The following ADCY2 variants were observed in gnomAD, a reference collection of about 807,000 sequenced individuals.
ADCY2 encodes the protein adenylate cyclase 2.
In ADCY2, 31 loss-of-function variants were observed where a neutral mutation model predicts 125.2. The observed-to-expected ratio is 0.25, with a 90% CI of 0.19 to 0.33. The LOEUF (loss-of-function observed/expected upper bound fraction) is 0.33, where lower values mean the gene tolerates loss of function less well. ADCY2 is among the 10% of genes least tolerant of loss of function. The pLI, the probability that ADCY2 is intolerant of heterozygous loss-of-function variation, is 1.00. For missense variants in ADCY2, 904 were observed against 1,418.2 expected (o/e 0.64, Z 5.82); for synonymous variants, 512 against 548.4 (o/e 0.93, Z 0.93).
chr5:7,618,210 G>A (rs1300981128), intron 3 of ADCY2, among the ~76,000 whole-genome samples: 1 of 152,102 alleles, frequency 6.6e-6, no homozygotes, highest in Non-Finnish European at 1.5e-5. Context: ...GTGCAATCTT[G>A]TCTCTCCATT....
At position 7,490,257 on chromosome 5, in the gene ADCY2, T is replaced by C. The variant is rs73737400; in HGVS notation, c.409-30481T>C. On this transcript the variant is annotated intron_variant, in intron 2 of 24. Coordinates refer to ENST00000338316, the MANE Select transcript of ADCY2 (RefSeq NM_020546.3). ...AAGCGTTGTTCTTTTATTCCATTAATACCATGGTTTATATCTTTAAGAAGT... is the reference window on the plus strand; with the variant it reads ...AAGCGTTGTTCTTTTATTCCATTAACACCATGGTTTATATCTTTAAGAAGT... Among the ~76,000 whole-genome samples the C allele has an allele frequency of 4.9e-3, 744 of 152,366 alleles. 5 individuals carry two copies. Among genetic ancestry groups the C allele is most frequent in the African/African-American group, 0.017 (713 of 41,598 alleles).
Position 7,709,399 on chromosome 5 carries a change from C to G in ADCY2, c.1578+12C>G, listed in dbSNP as rs571862881. Reference sequence around the variant, plus strand: ...AGATCAGCACCACGGTATGCCCTCCCCTGCCTCCAATGCCTGAGCACTGGG... The same window carrying G: ...AGATCAGCACCACGGTATGCCCTCCGCTGCCTCCAATGCCTGAGCACTGGG... On this transcript the variant is annotated intron_variant, in intron 10 of 24. Transcript: ENST00000338316. The surrounding 1 kb of genome is among the most constrained non-coding windows in gnomAD (Gnocchi z 4.4). 4 of 1,560,022 alleles carry G rather than the reference C, an allele frequency of 2.6e-6. No individual in the cohort carries two copies. The highest frequency in any genetic ancestry group is 1.9e-5 in the Admixed American group (1 of 52,324).
intron 11 of ADCY2, among the ~76,000 whole-genome samples, chr5:7,716,633 G>A (rs970353717): frequency 6.6e-6 from 1 of 152,180 alleles, no homozygotes; most frequent in African/African-American, 2.4e-5. Context: ...ATAGGCTGTT[G>A]TTTCTTTTTC....
chr5:7,429,127 A>G (rs1259838634), intron 2 of ADCY2, among the ~76,000 whole-genome samples: 1 of 152,136 alleles, frequency 6.6e-6, no homozygotes, highest in African/African-American at 2.4e-5. Flanking sequence ...GCCAAAGAAA[A>G]AAGCTCCAGG....
chr5:7,448,809 G>C (rs1741372446), intron 2 of ADCY2, among the ~76,000 whole-genome samples: 1 of 152,098 alleles, frequency 6.6e-6, no homozygotes, highest in Admixed American at 6.6e-5. Context: ...ACATGATCTT[G>C]TTCCTTTCTG....
At chr5:7,447,541 C>T (rs1470021223) in intron 2 of ADCY2, among the ~76,000 whole-genome samples, 2 of 152,206 alleles carry the variant, frequency 1.3e-5, no homozygotes, top group South Asian at 4.1e-4. Flanking sequence ...CTCCCCCTAC[C>T]TCATGTGATT....
chr5:7,401,150 T>C (rs1739248911), intron 1 of ADCY2, among the ~76,000 whole-genome samples: 1 of 152,204 alleles, frequency 6.6e-6, no homozygotes, highest in South Asian at 2.1e-4. Flanking sequence ...CCTCAATTAG[T>C]ACATGCAAAG....
chr5:7,509,920 C>A (rs1221652311), intron 2 of ADCY2, among the ~76,000 whole-genome samples: 2 of 152,128 alleles, frequency 1.3e-5, no homozygotes, highest in Admixed American at 1.3e-4. Context: ...AGAAAGATGG[C>A]ATTCTACTTA....
At position 7,396,284 on chromosome 5, in the gene ADCY2, G is replaced by A; in HGVS notation, c.-13G>A. Reference sequence around the variant, plus strand: ...GCCGGGCGCGCACGGCGGGCGCCCTGTGAGCGGCCCCGATGTGGCAGGAGG... The same window carrying A: ...GCCGGGCGCGCACGGCGGGCGCCCTATGAGCGGCCCCGATGTGGCAGGAGG... On this transcript the variant is annotated 5_prime_UTR_variant, in exon 1 of 25. In the 5' UTR this introduces an upstream ATG that the reference lacks. Coordinates refer to ENST00000338316, the MANE Select transcript of ADCY2 (RefSeq NM_020546.3). The surrounding 1 kb of genome is among the most constrained non-coding windows in gnomAD (Gnocchi z 5.7). 2 of 1,202,896 alleles carry A rather than the reference G, an allele frequency of 1.7e-6. No homozygotes were observed. Among genetic ancestry groups the A allele is most frequent in the Non-Finnish European group, 2.1e-6 (2 of 966,084 alleles). 74.5% of individuals were successfully genotyped at this position (1,202,896 alleles called of 1,614,324 possible). A position where few individuals can be genotyped will look rare whatever the true frequency, so the allele number is the denominator to read the frequency against.
At chr5:7,634,910 T>C (rs189390567) in intron 4 of ADCY2, among the ~76,000 whole-genome samples, 3 of 152,236 alleles carry the variant, frequency 2.0e-5, no homozygotes, top group South Asian at 2.1e-4. Context: ...AAGAGGCCTA[T>C]TGGAGGGGCC....
intron 3 of ADCY2, among the ~76,000 whole-genome samples, chr5:7,613,681 C>T (rs1737653579): frequency 6.6e-6 from 1 of 152,202 alleles, no homozygotes; most frequent in Non-Finnish European, 1.5e-5. Flanking sequence ...CTTTCCAGCT[C>T]CCTTCCCCAG....
intron 2 of ADCY2, among the ~76,000 whole-genome samples, chr5:7,431,159 G>A (rs2126375604): frequency 6.6e-6 from 1 of 152,302 alleles, no homozygotes; most frequent in Non-Finnish European, 1.5e-5. Context: ...TAAAACTACA[G>A]TAATCAAGAT....
intron 2 of ADCY2, among the ~76,000 whole-genome samples, chr5:7,436,950 C>T (rs1561024861): frequency 6.6e-6 from 1 of 152,142 alleles, no homozygotes; most frequent in Non-Finnish European, 1.5e-5. Context: ...AAATCAGCTC[C>T]ACCTTCACAA....
intron 2 of ADCY2, among the ~76,000 whole-genome samples, chr5:7,499,481 A>G (rs570458845): frequency 3.9e-5 from 6 of 152,088 alleles, no homozygotes; most frequent in African/African-American, 1.4e-4. Flanking sequence ...CCACACTTTA[A>G]TAAAAGGTTC....
intron 17 of ADCY2, among the ~76,000 whole-genome samples, chr5:7,768,756 A>G (rs1334312032): frequency 6.6e-6 from 1 of 152,236 alleles, no homozygotes; most frequent in Non-Finnish European, 1.5e-5. Flanking sequence ...AGCACACAAT[A>G]GGGTCTCTCA....
intron 2 of ADCY2, among the ~76,000 whole-genome samples, chr5:7,429,171 C>T (rs1740499322): frequency 1.3e-5 from 2 of 152,148 alleles, no homozygotes; most frequent in South Asian, 2.1e-4. Context: ...GGTACTCGCA[C>T]AGGCCCTGAA....
chr5:7,481,902 G>A (rs1742746148), intron 2 of ADCY2, among the ~76,000 whole-genome samples: 1 of 151,994 alleles, frequency 6.6e-6, no homozygotes, highest in Admixed American at 6.6e-5. Flanking sequence ...GTCCTGGAGT[G>A]TTTCCCCCAT....
intron 18 of ADCY2, among the ~76,000 whole-genome samples, chr5:7,774,520 A>G (rs1743655897): frequency 6.6e-6 from 1 of 152,228 alleles, no homozygotes; most frequent in Non-Finnish European, 1.5e-5. Context: ...TATGTTACAC[A>G]TCTGCAGCAA....
chr5:7,506,543 A>G (rs978980883), intron 2 of ADCY2, among the ~76,000 whole-genome samples: 1 of 152,194 alleles, frequency 6.6e-6, no homozygotes, highest in Non-Finnish European at 1.5e-5. Context: ...AAGCCAGGGC[A>G]CTGTGATATT....
Sources: gnomAD v4.1 joint callset for allele counts (sites outside exome capture counted in the v4.1 genomes callset) on GRCh38, gnomAD v4.1.1 for gene constraint, Gnocchi (gnomAD v3.1) non-coding constraint, MANE v1.5 for transcripts, NCBI Gene and HGNC (gene_info 2026-07-23, HGNC 2026-07-21) for gene names.